Variants in ZFHX3 observed in about 807,000 individuals in gnomAD.
The protein encoded by ZFHX3 is zinc finger homeobox protein 3.
A neutral mutation model predicts 279.1 loss-of-function variants in ZFHX3; 42 were observed. The observed-to-expected ratio is 0.15, with a 90% CI of 0.12 to 0.19. ZFHX3 has a LOEUF of 0.19. Among genes scored for constraint, ZFHX3 ranks in the 10% least tolerant of loss-of-function variants. The pLI is 1.00. For synonymous variants in ZFHX3, 2,293 were observed against 1,957.8 expected (o/e 1.17, Z -4.52); for missense variants, 4,981 against 4,754.0 (o/e 1.05, Z -1.40).
At chr16:73,807,254 C>A (rs1272599197) in intron 1 of ZFHX3, among the ~76,000 whole-genome samples, 1 of 152,140 alleles carries the variant, frequency 6.6e-6, no homozygotes, top group East Asian at 1.9e-4. Context: ...CTGTTCTGCC[C>A]ACGTGTGACA....
chr16:72,877,185 G>T (rs2038335683), intron 4 of ZFHX3, among the ~76,000 whole-genome samples: 1 of 152,180 alleles, frequency 6.6e-6, no homozygotes, highest in Non-Finnish European at 1.5e-5. Context: ...TCTGGGCACA[G>T]GTCCGCAGGG....
chr16:73,605,122 G>A lies in ZFHX3; in HGVS notation c.-1547+75058C>T, dbSNP rs183624265. On this transcript the variant is annotated intron_variant, in intron 2 of 17. Coordinates refer to the ZFHX3 transcript ENST00000641206. ...TAAAAAAGGAATGATTTAGGCCTGA[G>A]AGTTTCATCCTAAGAAACATCTACC... 7.2e-5 allele frequency among the ~76,000 whole-genome samples: 11 copies of A among 152,196 alleles called. No homozygotes were observed. The South Asian group carries it at 1.7e-3, about 23-fold the overall frequency.
At chr16:73,596,045 G>C (rs2052046607) in intron 2 of ZFHX3, among the ~76,000 whole-genome samples, 1 of 142,676 alleles carries the variant, frequency 7.0e-6, no homozygotes, top group African/African-American at 2.8e-5. Context: ...TTTTGAGACA[G>C]AGTCTGGCTC....
chr16:72,835,184 C>T (rs1011401886), intron 4 of ZFHX3, among the ~76,000 whole-genome samples: 7 of 152,132 alleles, frequency 4.6e-5, no homozygotes, highest in Non-Finnish European at 8.8e-5. Context: ...AAATAAAGTG[C>T]GTTTGCCTGT....
At chr16:73,110,337 A>G (rs1287406218) in intron 7 of ZFHX3, among the ~76,000 whole-genome samples, 1 of 152,232 alleles carries the variant, frequency 6.6e-6, no homozygotes, top group East Asian at 1.9e-4. Context: ...ATGAAACAGT[A>G]GTATCTGAGT....
chr16:72,802,815 C>T (rs1484919376), intron 7 of ZFHX3, among the ~76,000 whole-genome samples: 1 of 152,194 alleles, frequency 6.6e-6, no homozygotes. Flanking sequence ...TTACTCAAAG[C>T]TTTCATGCTT....
intron 1 of ZFHX3, among the ~76,000 whole-genome samples, chr16:72,963,213 G>C (rs1961669433): frequency 6.6e-6 from 1 of 152,032 alleles, no homozygotes; most frequent in Admixed American, 6.5e-5. Context: ...TCCACGTTCT[G>C]TGCCCCTTCC....
intron 2 of ZFHX3, among the ~76,000 whole-genome samples, chr16:73,520,883 G>C (rs1285425427): frequency 2.0e-5 from 3 of 152,312 alleles, no homozygotes; most frequent in East Asian, 3.9e-4. Flanking sequence ...ACACCAAAGT[G>C]ATACTGATAA....
At chr16:73,042,015 G>C (rs1169325950) in intron 1 of ZFHX3, among the ~76,000 whole-genome samples, 1 of 152,192 alleles carries the variant, frequency 6.6e-6, no homozygotes, top group Non-Finnish European at 1.5e-5. Context: ...GTTGGGAAGG[G>C]AGAAGTCATC....
At chr16:73,087,881 G>A (rs1211108165) in intron 8 of ZFHX3, among the ~76,000 whole-genome samples, 1 of 151,268 alleles carries the variant, frequency 6.6e-6, no homozygotes, top group Non-Finnish European at 1.5e-5. Context: ...AGGCTGGAGT[G>A]CAGTGATATG....
At chr16:73,878,014 T>C (rs184259319) in intron 1 of ZFHX3, among the ~76,000 whole-genome samples, 87 of 152,180 alleles carry the variant, frequency 5.7e-4, no homozygotes, top group African/African-American at 1.8e-3. Flanking sequence ...CATATATATA[T>C]CTTCTCCATA....
At chr16:73,248,087 T>C (rs917722456) in intron 5 of ZFHX3, among the ~76,000 whole-genome samples, 3 of 151,884 alleles carry the variant, frequency 2.0e-5, no homozygotes, top group Non-Finnish European at 2.9e-5. Flanking sequence ...ATATAATGTG[T>C]GTGTGTATAT....
intron 2 of ZFHX3, among the ~76,000 whole-genome samples, chr16:73,620,368 A>G (rs954990948): frequency 2.6e-5 from 4 of 152,292 alleles, no homozygotes; most frequent in African/African-American, 4.8e-5. Flanking sequence ...TAAATGGGGG[A>G]AAAAAACAAA....
intron 2 of ZFHX3, among the ~76,000 whole-genome samples, chr16:73,611,057 G>T (rs542988320): frequency 6.6e-6 from 1 of 152,304 alleles, no homozygotes; most frequent in East Asian, 1.9e-4. Flanking sequence ...CCTGTGATAG[G>T]TCTCATAAAT....
At chr16:72,964,442 G>A (rs1429986753) in intron 1 of ZFHX3, among the ~76,000 whole-genome samples, 5 of 152,282 alleles carry the variant, frequency 3.3e-5, no homozygotes, top group Non-Finnish European at 5.9e-5. Context: ...TTATGGAGAG[G>A]AAAACAGGAG....
At chr16:73,121,461 T>C (rs1966498110) in intron 7 of ZFHX3, among the ~76,000 whole-genome samples, 1 of 152,174 alleles carries the variant, frequency 6.6e-6, no homozygotes, top group African/African-American at 2.4e-5. Context: ...TGTACTGTGT[T>C]TCTACTGGAC....
At chr16:73,426,591 T>C (rs1217631476) in intron 3 of ZFHX3, among the ~76,000 whole-genome samples, 1 of 152,040 alleles carries the variant, frequency 6.6e-6, no homozygotes. Flanking sequence ...TGCATGTGTG[T>C]GTGTGAGAGA....
intron 1 of ZFHX3, among the ~76,000 whole-genome samples, chr16:72,991,531 G>T (rs1043596676): frequency 5.3e-5 from 8 of 152,170 alleles, no homozygotes; most frequent in African/African-American, 1.7e-4. Flanking sequence ...ACCCCATAGG[G>T]TTGTAAGGAT....
At chr16:73,702,035 C>G (rs1054398061) in intron 1 of ZFHX3, among the ~76,000 whole-genome samples, 2 of 152,106 alleles carry the variant, frequency 1.3e-5, no homozygotes, top group African/African-American at 4.8e-5. Context: ...ATATAGTCTT[C>G]AAACCATGGT....
Sources: allele counts gnomAD v4.1 joint callset (sites outside exome capture counted in the v4.1 genomes callset), GRCh38; gene constraint gnomAD v4.1.1; transcripts MANE v1.5; gene names NCBI Gene and HGNC (gene_info 2026-07-23, HGNC 2026-07-21).